The following PPARGC1A variants were observed in gnomAD, a reference collection of about 807,000 sequenced individuals.
The protein encoded by PPARGC1A is PPARG coactivator 1 alpha.
Under a neutral mutation model 88.7 loss-of-function variants are expected in PPARGC1A, and 25 were observed. That is an observed-to-expected ratio of 0.28 (90% CI 0.21 to 0.39). PPARGC1A has a LOEUF of 0.39. Among genes scored for constraint, PPARGC1A ranks in the 10% least tolerant of loss-of-function variants. The probability of loss-of-function intolerance (pLI) is 1.00; values close to 1 mark genes in which losing one functional copy is unlikely to be tolerated. For synonymous variants in PPARGC1A, 363 were observed against 355.6 expected (o/e 1.02, Z -0.24); for missense variants, 880 against 968.7 (o/e 0.91, Z 1.22).
chr4:24,130,582 C>G, the PPARGC1A span, among the ~76,000 whole-genome samples: 4 of 152,054 alleles, frequency 2.6e-5, no homozygotes, highest in African/African-American at 9.7e-5. Flanking sequence ...TGATGAAATG[C>G]TACTTACAAG....
chr4:24,290,791 C>T, the PPARGC1A span, among the ~76,000 whole-genome samples: 1 of 152,128 alleles, frequency 6.6e-6, no homozygotes, highest in Admixed American at 6.5e-5. Context: ...TTCCTGTATA[C>T]AGCCCCTCAC....
chr4:24,271,110 G>T, the PPARGC1A span, among the ~76,000 whole-genome samples: 1 of 152,138 alleles, frequency 6.6e-6, no homozygotes, highest in Non-Finnish European at 1.5e-5. Context: ...GATATAAGAT[G>T]GTGATTTGTT....
chr4:24,324,092 G>A, the PPARGC1A span, among the ~76,000 whole-genome samples: 3 of 152,134 alleles, frequency 2.0e-5, no homozygotes, highest in Non-Finnish European at 2.9e-5. Flanking sequence ...TTGCAGAGAC[G>A]CCTCTGTGAT....
intron 10 of PPARGC1A, among the ~76,000 whole-genome samples, chr4:23,803,783 G>A (rs913556685): frequency 6.6e-6 from 1 of 152,186 alleles, no homozygotes; most frequent in Non-Finnish European, 1.5e-5. Flanking sequence ...GAGAACTGAG[G>A]TACAGACTTA....
chr4:24,346,705 T>A, the PPARGC1A span, among the ~76,000 whole-genome samples: 1 of 152,192 alleles, frequency 6.6e-6, no homozygotes, highest in Non-Finnish European at 1.5e-5. Flanking sequence ...ATCAATTTTA[T>A]CTTTTCAAAG....
the PPARGC1A span, among the ~76,000 whole-genome samples, chr4:24,272,500 C>T: frequency 6.6e-6 from 1 of 152,166 alleles, no homozygotes; most frequent in African/African-American, 2.4e-5. Flanking sequence ...AAATTTAATA[C>T]ACTTCCCCCA....
the PPARGC1A span, among the ~76,000 whole-genome samples, chr4:24,255,790 C>T: frequency 6.6e-6 from 1 of 152,208 alleles, no homozygotes; most frequent in South Asian, 2.1e-4. Context: ...ATCAGTTTTG[C>T]AAACTTTAAG....
chr4:24,242,881 C>T, the PPARGC1A span, among the ~76,000 whole-genome samples: 1 of 152,088 alleles, frequency 6.6e-6, no homozygotes, highest in Non-Finnish European at 1.5e-5. Flanking sequence ...CCATCAGTTC[C>T]CAATCACCCT....
chr4:24,002,604 CTTTT>C, the PPARGC1A span, among the ~76,000 whole-genome samples: 1 of 136,412 alleles, frequency 7.3e-6, no homozygotes, highest in Non-Finnish European at 1.6e-5. Flanking sequence ...GTGCATGCTG[CTTTT>C]TTTTTTTTTT....
At chr4:24,018,566 A>G in the PPARGC1A span, among the ~76,000 whole-genome samples, 1 of 152,108 alleles carries the variant, frequency 6.6e-6, no homozygotes, top group African/African-American at 2.4e-5. Flanking sequence ...ACAAGTCTCC[A>G]TTTTTCAAAT....
intron 10 of PPARGC1A, among the ~76,000 whole-genome samples, chr4:23,806,764 C>G (rs1553875393): frequency 6.6e-6 from 1 of 152,086 alleles, no homozygotes; most frequent in Non-Finnish European, 1.5e-5. Context: ...AAATCTTTAT[C>G]AAAAAGAGTC....
At chr4:24,027,233 G>GTGTC in the PPARGC1A span, among the ~76,000 whole-genome samples, 301 of 150,270 alleles carry the variant, frequency 2.0e-3, 1 homozygote, top group African/African-American at 7.3e-3. Flanking sequence ...GTGTCTGTGT[G>GTGTC]TGTCTGTGTG....
At chr4:24,072,897 C>T in the PPARGC1A span, among the ~76,000 whole-genome samples, 1 of 152,104 alleles carries the variant, frequency 6.6e-6, no homozygotes, top group African/African-American at 2.4e-5. Flanking sequence ...GATTTTTTCT[C>T]TCATTTAGTT....
At chr4:24,248,347 G>T in the PPARGC1A span, among the ~76,000 whole-genome samples, 1 of 151,932 alleles carries the variant, frequency 6.6e-6, no homozygotes, top group Non-Finnish European at 1.5e-5. Flanking sequence ...GGATGGTCTC[G>T]ATCTCCTGAC....
chr4:23,990,689 C>T, the PPARGC1A span, among the ~76,000 whole-genome samples: 3 of 151,426 alleles, frequency 2.0e-5, no homozygotes, highest in Non-Finnish European at 2.9e-5. Context: ...GCCATCCTGA[C>T]GTGGGGTTTC....
the PPARGC1A span, among the ~76,000 whole-genome samples, chr4:24,055,815 C>T: frequency 2.0e-5 from 3 of 148,564 alleles, no homozygotes; most frequent in African/African-American, 7.6e-5. Context: ...GCTGTACCCT[C>T]CTACTTCCCT....
the PPARGC1A span, among the ~76,000 whole-genome samples, chr4:24,141,592 A>G: frequency 6.6e-6 from 1 of 152,234 alleles, no homozygotes; most frequent in African/African-American, 2.4e-5. Flanking sequence ...AAAATGGTGC[A>G]TGCTTCCCCC....
chr4:24,184,474 G>T, the PPARGC1A span, among the ~76,000 whole-genome samples: 3 of 152,174 alleles, frequency 2.0e-5, no homozygotes, highest in South Asian at 6.2e-4. Flanking sequence ...ATTGTGGGAG[G>T]TGCCTTAGTT....
At chr4:23,837,942 C>T (rs1353665865) in intron 2 of PPARGC1A, among the ~76,000 whole-genome samples, 1 of 152,094 alleles carries the variant, frequency 6.6e-6, no homozygotes, top group Non-Finnish European at 1.5e-5. Flanking sequence ...GGTTCTGATG[C>T]ATAAAGTTTG....
Sources: gnomAD v4.1 joint callset for allele counts (sites outside exome capture counted in the v4.1 genomes callset) on GRCh38, gnomAD v4.1.1 for gene constraint, MANE v1.5 for transcripts, NCBI Gene and HGNC (gene_info 2026-07-23, HGNC 2026-07-21) for gene names.